The following KDM6A variants were observed in gnomAD, a reference collection of about 807,000 sequenced individuals.
The protein encoded by KDM6A is lysine demethylase 6A, also known as lysine-specific demethylase 6A.
In KDM6A, 11 loss-of-function variants were observed where a neutral mutation model predicts 117.6. That is an observed-to-expected ratio of 0.09 (90% CI 0.06 to 0.15). The LOEUF (loss-of-function observed/expected upper bound fraction) is 0.15, where lower values mean the gene tolerates loss of function less well. Among genes scored for constraint, KDM6A ranks in the 10% least tolerant of loss-of-function variants. The pLI is 1.00. For missense variants in KDM6A, 799 were observed against 1,077.3 expected (o/e 0.74, Z 3.62); for synonymous variants, 384 against 396.1 (o/e 0.97, Z 0.36).
chrX:44,894,621 AT>A (rs574868704), intron 2 of KDM6A, among the ~76,000 whole-genome samples: 7,261 of 99,861 alleles, frequency 0.073, 612 homozygotes, highest in African/African-American at 0.23. Flanking sequence ...TAATTAATTA[AT>A]TTTTTTTTTT....
At chrX:45,105,712 T>A (rs1464860216) in intron 27 of KDM6A, among the ~76,000 whole-genome samples, 1 of 112,271 alleles carries the variant, frequency 8.9e-6, no homozygotes, top group African/African-American at 3.2e-5. Flanking sequence ...TCAATAGCTG[T>A]CCTAACCTTG....
intron 2 of KDM6A, among the ~76,000 whole-genome samples, chrX:44,879,398 G>C (rs889598902): frequency 1.8e-5 from 2 of 112,075 alleles, no homozygotes; most frequent in African/African-American, 6.5e-5. Context: ...TGGTTAGGCT[G>C]TTTAGGACTC....
At position 45,103,550 on chromosome X, in the gene KDM6A, C is replaced by A. The variant is rs183973120; in HGVS notation, c.4035-3860C>A. On this transcript the variant is annotated intron_variant, in intron 27 of 29. Coordinates refer to ENST00000611820, the MANE Select transcript of KDM6A (RefSeq NM_001291415.2). The stretch of plus-strand genomic sequence containing the variant: ...ATGAATATATTGTGCATTAATTGCC[C>A]ATAAATATAAGGCTTTTGATAATTT... 1.9e-3 allele frequency among the ~76,000 whole-genome samples: 208 copies of A among 111,762 alleles called. 1 individual carries two copies. Among genetic ancestry groups the A allele is most frequent in the African/African-American group, 6.5e-3 (200 of 30,712 alleles).
At position 45,083,565 on chromosome X, in the gene KDM6A, C is replaced by T. The variant is rs2148153372; in HGVS notation, c.3546C>T (p.Asn1182=). The change falls in exon 24 of 30, where the codon AAC becomes AAT. Residue 1182 remains asparagine (N), a synonymous_variant. Transcript: ENST00000611820. ...SHVGHTILGM[N]TVQLYMKVPG... ...TTGGTCATACCATATTGGGCATGAA[C>T]ACAGTTCAACTATACATGAAAGTTC... 1 of 1,208,544 alleles carries T rather than the reference C, an allele frequency of 8.3e-7. No homozygotes were observed. Among genetic ancestry groups the T allele is most frequent in the Non-Finnish European group, 1.1e-6 (1 of 892,528 alleles).
At chrX:44,981,288 C>T (rs1195817700) in intron 4 of KDM6A, among the ~76,000 whole-genome samples, 2 of 112,039 alleles carry the variant, frequency 1.8e-5, no homozygotes, top group South Asian at 3.7e-4. Flanking sequence ...CTATATAAAT[C>T]GGGGTTCCCA....
At chrX:45,003,999 C>T (rs1160500646) in intron 4 of KDM6A, among the ~76,000 whole-genome samples, 2 of 106,339 alleles carry the variant, frequency 1.9e-5, no homozygotes, top group Non-Finnish European at 3.9e-5. Context: ...CCCTCTCTTT[C>T]CCCTTTTACC....
chrX:44,921,312 G>A (rs936812973), intron 2 of KDM6A, among the ~76,000 whole-genome samples: 1 of 112,028 alleles, frequency 8.9e-6, no homozygotes, highest in Non-Finnish European at 1.9e-5. Context: ...CTTAACTACC[G>A]TACAATATCA....
chrX:45,063,702 G>A lies in KDM6A; in HGVS notation c.1964G>A (p.Ser655Asn), dbSNP rs2044402252. The A allele has an allele frequency of 8.3e-7, 1 of 1,209,164 alleles. No individual in the cohort carries two copies. The highest frequency in any genetic ancestry group is 3.0e-5 in the East Asian group (1 of 33,802). Reference sequence around the variant, plus strand: ...AATAATCATATAACAGGAAGTGGAAGTAATGGAAACGTGCCTTACCTGCAG... The same window carrying A: ...AATAATCATATAACAGGAAGTGGAAATAATGGAAACGTGCCTTACCTGCAG... ...IGNNHITGSGSNGNVPYLQRN... is the reference protein window; with the variant it reads ...IGNNHITGSGNNGNVPYLQRN... Residue 655 changes from serine (S) to asparagine (N), a missense_variant, in exon 17 of 30, where the codon AGT becomes AAT. Physicochemically the swap from Ser to Asn is conservative, Grantham distance 46. Transcript: ENST00000611820.
intron 4 of KDM6A, among the ~76,000 whole-genome samples, chrX:45,008,202 G>A (rs748078777): frequency 9.1e-6 from 1 of 109,966 alleles, no homozygotes; most frequent in Non-Finnish European, 1.9e-5. Flanking sequence ...AGAAATGCCC[G>A]TCTCTACTAA....
In KDM6A at chrX:44,979,416, C is replaced by T. The variant is rs1305947260; in HGVS notation, c.384+4701C>T. On this transcript the variant is annotated intron_variant, in intron 4 of 29. Transcript: ENST00000611820. ...TTTCCTTCTCTTCTTCCTTTCCTTC[C>T]TGTTGTTCTTCCTTATCTTCTTCCT... Among the ~76,000 whole-genome samples the T allele has an allele frequency of 4.6e-5, 5 of 107,882 alleles. No homozygotes were observed. The Admixed American group carries it at 5.1e-4, about 11-fold the overall frequency. 93.7% of individuals were successfully genotyped at this position (107,882 alleles called of 115,157 possible). A position where few individuals can be genotyped will look rare whatever the true frequency, so the allele number is the denominator to read the frequency against.
rs780238270 is a variant in KDM6A at position 44,961,290 on chromosome X, C to T, written c.232C>T (p.Arg78Cys). Residue 78 changes from arginine (R) to cysteine (C), a missense_variant, in exon 3 of 30, where the codon CGC becomes TGC. Coordinates refer to ENST00000611820, the MANE Select transcript of KDM6A (RefSeq NM_001291415.2). The stretch of plus-strand genomic sequence containing the variant: ...TGTATTTTTTTATTTCTAGGCTGTT[C>T]GCTGCTATGAATCTCTAATCTTAAA... ...RTKALLGKAV[R>C]CYESLILKAE... 1.6e-5 allele frequency: 19 copies of T among 1,192,786 alleles called. No individual in the cohort carries two copies. The South Asian group carries it at 2.1e-4, about 13-fold the overall frequency.
intron 10 of KDM6A, among the ~76,000 whole-genome samples, 193 bp downstream of exon 10, chrX:45,054,148 A>T (rs2043969851): frequency 8.9e-6 from 1 of 112,136 alleles, no homozygotes; most frequent in Non-Finnish European, 1.9e-5. Context: ...TTATAGCATA[A>T]TCTGGTCTAG....
At position 44,873,449 on chromosome X, in the gene KDM6A, A is replaced by G. The variant is rs1220421315; in HGVS notation, c.-103A>G. 1 of 1,080,677 alleles carries G rather than the reference A, an allele frequency of 9.3e-7. No homozygotes were observed. Among genetic ancestry groups the G allele is most frequent in the Non-Finnish European group, 1.3e-6 (1 of 796,501 alleles). 89.1% of individuals were successfully genotyped at this position (1,080,677 alleles called of 1,213,427 possible). A position where few individuals can be genotyped will look rare whatever the true frequency, so the allele number is the denominator to read the frequency against. The stretch of plus-strand genomic sequence containing the variant: ...GCCCGCGGCGGAGGAGGAGGCGGCG[A>G]TAAAGTTGGTGTGCTGGTCCCGCGC... On this transcript the variant is annotated 5_prime_UTR_variant, in exon 1 of 30. Transcript: ENST00000611820.
chrX:44,901,809 C>T (rs926813619), intron 2 of KDM6A, among the ~76,000 whole-genome samples: 2 of 111,875 alleles, frequency 1.8e-5, no homozygotes, highest in African/African-American at 3.2e-5. Flanking sequence ...GTATAGCCAC[C>T]CAGCTCTATT....
intron 29 of KDM6A, 89 bp from the exon 30 acceptor site, chrX:45,111,293 C>G: frequency 1.3e-6 from 1 of 773,428 alleles, no homozygotes; most frequent in South Asian, 2.1e-5. Context: ...GAGTTATTTC[C>G]CCTAACTTCA....
chrX:45,061,296 A>ATT, intron 14 of KDM6A, 28 bp from the exon 15 acceptor site: 5 of 895,773 alleles, frequency 5.6e-6, no homozygotes, highest in Non-Finnish European at 8.0e-6. Flanking sequence ...ATATTCTTTA[A>ATT]TTTTTTTTTT....
At chrX:45,086,296 G>A (rs2045636789) in intron 25 of KDM6A, 1 of 233,283 alleles carries the variant, frequency 4.3e-6, no homozygotes. Context: ...AAGAAAAATT[G>A]TTTTGTTATA....
intron 4 of KDM6A, among the ~76,000 whole-genome samples, chrX:44,980,839 A>G (rs985796314): frequency 9.2e-6 from 1 of 108,707 alleles, no homozygotes; most frequent in Non-Finnish European, 1.9e-5. Context: ...ACAATGTTGA[A>G]TGGAAGGGGA....
chrX:45,073,275 A>G (rs767644342), intron 18 of KDM6A, among the ~76,000 whole-genome samples: 1 of 111,779 alleles, frequency 8.9e-6, no homozygotes, highest in East Asian at 2.8e-4. Flanking sequence ...TCTATCATTG[A>G]TGGACATTTG....
Sources: allele counts gnomAD v4.1 joint callset (sites outside exome capture counted in the v4.1 genomes callset), GRCh38; gene constraint gnomAD v4.1.1; transcripts MANE v1.5; gene names NCBI Gene and HGNC (gene_info 2026-07-23, HGNC 2026-07-21).